GPR26: variants seen among roughly 807,000 people sequenced by gnomAD.
GPR26 encodes the protein G protein-coupled receptor 26.
Under a neutral mutation model 23.1 loss-of-function variants are expected in GPR26, and 15 were observed. That is an observed-to-expected ratio of 0.65 (90% CI 0.43 to 1.00). The LOEUF (loss-of-function observed/expected upper bound fraction) is 1.00, where lower values mean the gene tolerates loss of function less well. Ranked by LOEUF, GPR26 falls within the 50% of genes least tolerant of loss-of-function variation. The pLI is 0.00. For missense variants in GPR26, 359 were observed against 470.5 expected, an observed-to-expected ratio of 0.76 and a Z score of 2.19; for synonymous variants, 228 against 222.1, an observed-to-expected ratio of 1.03 and a Z score of -0.24.
In GPR26 at chr10:123,689,378, T is replaced by C. The variant is rs1845467502; in HGVS notation, c.*1218T>C. Reference sequence around the variant, plus strand: ...GTGATTAGAGACAGTGAAATTTTTATGGAATACTGCACCTATAAAACACAT... The same window carrying C: ...GTGATTAGAGACAGTGAAATTTTTACGGAATACTGCACCTATAAAACACAT... On this transcript the variant is annotated 3_prime_UTR_variant, in exon 3 of 3. Coordinates refer to ENST00000284674, the MANE Select transcript of GPR26 (RefSeq NM_153442.4). 6.6e-6 allele frequency: 1 copy of C among 152,354 alleles called. No individual in the cohort carries two copies. Among genetic ancestry groups the C allele is most frequent in the East Asian group, 1.9e-4 (1 of 5,182 alleles). The allele number at this position is 152,354 out of a possible 1,614,324, so 9.4% of individuals were successfully genotyped here.
rs1206001528 is a variant in GPR26 at position 123,688,920 on chromosome 10, A to G, written c.*760A>G. 1 of 152,180 alleles carries G rather than the reference A, an allele frequency of 6.6e-6. No homozygotes were observed. Among genetic ancestry groups the G allele is most frequent in the East Asian group, 1.9e-4 (1 of 5,196 alleles). 9.4% of individuals were successfully genotyped at this position (152,180 alleles called of 1,614,324 possible). A position where few individuals can be genotyped will look rare whatever the true frequency, so the allele number is the denominator to read the frequency against. On this transcript the variant is annotated 3_prime_UTR_variant, in exon 3 of 3. Coordinates refer to ENST00000284674, the MANE Select transcript of GPR26 (RefSeq NM_153442.4). ...CATGTATTAGGTTCTTTCAAGTTTG[A>G]CTGGGAGGTCACCTTTTTCTGATTT...
intron 2 of GPR26, among the ~76,000 whole-genome samples, chr10:123,681,825 G>C (rs1845381202): frequency 6.6e-6 from 1 of 152,206 alleles, no homozygotes; most frequent in Non-Finnish European, 1.5e-5. Flanking sequence ...AACCATACCT[G>C]TCACTTAGTG....
In GPR26 at chr10:123,679,964, A is replaced by G. The variant is rs1845351634; in HGVS notation, c.782+5033A>G. Among the ~76,000 whole-genome samples, 6 of 152,334 alleles carry G rather than the reference A, an allele frequency of 3.9e-5. No individual in the cohort carries two copies. The South Asian group carries it at 1.0e-3, about 26-fold the overall frequency. On this transcript the variant is annotated intron_variant, in intron 2 of 2. Coordinates refer to ENST00000284674, the MANE Select transcript of GPR26 (RefSeq NM_153442.4). Reference sequence around the variant, plus strand: ...CTGGGGCAGGCAGAAGCCTGGGGGAACATCCAGGGGTAGGTCCTGGAAAGT... The same window carrying G: ...CTGGGGCAGGCAGAAGCCTGGGGGAGCATCCAGGGGTAGGTCCTGGAAAGT...
In GPR26 at chr10:123,693,263, C is replaced by G. The variant is rs1311330353; in HGVS notation, c.*5103C>G. On this transcript the variant is annotated 3_prime_UTR_variant, in exon 3 of 3. Transcript: ENST00000284674. ...ACATACGGCTCACAAGTCCTTTGTGCCGACAGGGAATCTATCTAATTGTTT... is the reference window on the plus strand; with the variant it reads ...ACATACGGCTCACAAGTCCTTTGTGGCGACAGGGAATCTATCTAATTGTTT... The G allele has an allele frequency of 6.6e-6, 1 of 152,206 alleles. No individual in the cohort carries two copies. The highest frequency in any genetic ancestry group is 1.5e-5 in the Non-Finnish European group (1 of 68,056). The allele number at this position is 152,206 out of a possible 1,614,324, so 9.4% of individuals were successfully genotyped here. A position where few individuals can be genotyped will look rare whatever the true frequency, so the allele number is the denominator to read the frequency against.
At chr10:123,667,833 G>A (rs1845205319) in intron 1 of GPR26, among the ~76,000 whole-genome samples, 1 of 152,132 alleles carries the variant, frequency 6.6e-6, no homozygotes, top group African/African-American at 2.4e-5. Flanking sequence ...GCAAGCATGG[G>A]TACCCTCTGG....
At chr10:123,667,900 G>A (rs1243165079) in intron 1 of GPR26, among the ~76,000 whole-genome samples, 1 of 152,136 alleles carries the variant, frequency 6.6e-6, no homozygotes, top group African/African-American at 2.4e-5. Flanking sequence ...TCTTAGCTGC[G>A]CTGTCCTGAG....
At position 123,691,977 on chromosome 10, in the gene GPR26, C is replaced by T. The variant is rs1287600446; in HGVS notation, c.*3817C>T. 1 of 152,204 alleles carries T rather than the reference C, an allele frequency of 6.6e-6. No homozygotes were observed. The highest frequency in any genetic ancestry group is 1.5e-5 in the Non-Finnish European group (1 of 68,050). The allele number at this position is 152,204 out of a possible 1,614,324, so 9.4% of individuals were successfully genotyped here. A position where few individuals can be genotyped will look rare whatever the true frequency, so the allele number is the denominator to read the frequency against. On this transcript the variant is annotated 3_prime_UTR_variant, in exon 3 of 3. Transcript: ENST00000284674. The stretch of plus-strand genomic sequence containing the variant: ...TTTCTATTAATAACTATCTAGGTTT[C>T]AATTGTCTTGTATCTTTCCCTAATT...
chr10:123,669,470 T>C (rs189764971), intron 1 of GPR26, among the ~76,000 whole-genome samples: 397 of 152,218 alleles, frequency 2.6e-3, no homozygotes, highest in African/African-American at 9.3e-3. Context: ...TCTCAGGCAG[T>C]GAGCCTCTCA....
rs1282946048 is a variant in GPR26 at position 123,689,689 on chromosome 10, A to G, written c.*1529A>G. ...GGAAGTGAAGAGTCTATTGGTTTTT[A>G]CTTCTAGGCAGTCCCAATTTTTAAA... is the stretch of plus-strand genomic sequence containing the variant. On this transcript the variant is annotated 3_prime_UTR_variant, in exon 3 of 3. Coordinates refer to ENST00000284674, the MANE Select transcript of GPR26 (RefSeq NM_153442.4). The G allele has an allele frequency of 6.6e-6, 1 of 152,218 alleles. No homozygotes were observed. 9.4% of individuals were successfully genotyped at this position (152,218 alleles called of 1,614,324 possible).
intron 1 of GPR26, among the ~76,000 whole-genome samples, chr10:123,672,724 C>T (rs1845265258): frequency 6.6e-6 from 1 of 152,144 alleles, no homozygotes. Context: ...GAGTGACGAA[C>T]CGTCCTGGTT....
rs532864630 is a variant in GPR26, at chr10:123,670,167, G to A, written c.668+3092G>A. ...CTCTGAGGCTGCCCCAGGCTCTGCT[G>A]GTTCCCCCAGTGTGTCCTCTGTGTC... On this transcript the variant is annotated intron_variant, in intron 1 of 2. Coordinates refer to ENST00000284674, the MANE Select transcript of GPR26 (RefSeq NM_153442.4). Among the ~76,000 whole-genome samples, 7 of 152,296 alleles carry A rather than the reference G, an allele frequency of 4.6e-5. No homozygotes were observed. In the East Asian group the frequency reaches 1.4e-3, roughly 29 times the overall value.
At chr10:123,678,823 C>T (rs1177034558) in intron 2 of GPR26, among the ~76,000 whole-genome samples, 2 of 152,236 alleles carry the variant, frequency 1.3e-5, no homozygotes, top group Non-Finnish European at 2.9e-5. Context: ...GACTGCCAGG[C>T]TGGGCAGGGT....
At chr10:123,680,921 C>T (rs1247017067) in intron 2 of GPR26, among the ~76,000 whole-genome samples, 2 of 149,284 alleles carry the variant, frequency 1.3e-5, no homozygotes, top group South Asian at 4.3e-4. Context: ...CTCACTGCAA[C>T]GTCCATTTCC....
At position 123,666,381 on chromosome 10, in the gene GPR26, C is replaced by G; in HGVS notation, c.-27C>G. 3 of 1,347,356 alleles carry G rather than the reference C, an allele frequency of 2.2e-6. No homozygotes were observed. The highest frequency in any genetic ancestry group is 2.8e-6 in the Non-Finnish European group (3 of 1,055,978). 83.5% of individuals were successfully genotyped at this position (1,347,356 alleles called of 1,614,324 possible). ...GCCATGGCGGCGCCGGGTTGCGGAC[C>G]CTGAGCGCCGGCGCGGGGCGCGCAC... On this transcript the variant is annotated 5_prime_UTR_variant, in exon 1 of 3. Coordinates refer to ENST00000284674, the MANE Select transcript of GPR26 (RefSeq NM_153442.4).
At chr10:123,671,416 A>C (rs1589923730) in intron 1 of GPR26, among the ~76,000 whole-genome samples, 1 of 142,790 alleles carries the variant, frequency 7.0e-6, no homozygotes, top group South Asian at 2.3e-4. Flanking sequence ...CAGCCACACC[A>C]ACACACATGC....
chr10:123,671,320 A>G (rs1845247474), intron 1 of GPR26, among the ~76,000 whole-genome samples: 1 of 152,138 alleles, frequency 6.6e-6, no homozygotes, highest in Non-Finnish European at 1.5e-5. Flanking sequence ...CTTCCACCCC[A>G]CATGTCATAA....
intron 1 of GPR26, among the ~76,000 whole-genome samples, chr10:123,668,612 G>A (rs1262821146): frequency 6.6e-6 from 1 of 152,254 alleles, no homozygotes; most frequent in African/African-American, 2.4e-5. Context: ...ATGGTTCAGT[G>A]TCCTTCAAGG....
chr10:123,678,681 C>T (rs111647240), intron 2 of GPR26, among the ~76,000 whole-genome samples: 12 of 152,204 alleles, frequency 7.9e-5, no homozygotes, highest in Admixed American at 2.6e-4. Context: ...GGTGGCTGGG[C>T]GCCCCCCTCC....
chr10:123,687,026 G>A (rs1230412482), intron 2 of GPR26, among the ~76,000 whole-genome samples: 4 of 152,036 alleles, frequency 2.6e-5, no homozygotes, highest in African/African-American at 9.7e-5. Flanking sequence ...TTGGGTGGAG[G>A]GTAGAATTCT....
Sources: allele counts gnomAD v4.1 joint callset (sites outside exome capture counted in the v4.1 genomes callset), GRCh38; gene constraint gnomAD v4.1.1; transcripts MANE v1.5; gene names NCBI Gene and HGNC (gene_info 2026-07-23, HGNC 2026-07-21).